TCF4: variants seen among roughly 807,000 people sequenced by gnomAD.
TCF4 encodes the protein transcription factor 4, also known as SL3-3 enhancer factor 2.
A neutral mutation model predicts 82.1 loss-of-function variants in TCF4; 3 were observed. The ratio of observed to expected loss-of-function variants is 0.04; its 90% CI spans 0.02 to 0.09. The LOEUF (loss-of-function observed/expected upper bound fraction) is 0.09, where lower values mean the gene tolerates loss of function less well. Among genes scored for constraint, TCF4 ranks in the 10% least tolerant of loss-of-function variants. The pLI is 1.00. For missense variants in TCF4, 518 were observed against 852.7 expected (o/e 0.61, Z 4.89); for synonymous variants, 276 against 309.6 (o/e 0.89, Z 1.14).
intron 10 of TCF4, among the ~76,000 whole-genome samples, chr18:55,273,369 T>C (rs1461296649): frequency 6.6e-6 from 1 of 152,186 alleles, no homozygotes. Context: ...GCTTAGCTTT[T>C]TCTTAAACTA....
intron 5 of TCF4, among the ~76,000 whole-genome samples, chr18:55,422,984 A>AACACACAC (rs147283421): frequency 2.0e-5 from 3 of 150,352 alleles, no homozygotes; most frequent in African/African-American, 7.3e-5. Context: ...AACACCACCA[A>AACACACAC]ACACACACAC....
At chr18:55,403,358 G>T in intron 6 of TCF4, 96 bp downstream of exon 6, 1 of 1,372,658 alleles carries the variant, frequency 7.3e-7, no homozygotes, top group Non-Finnish European at 1.0e-6. Flanking sequence ...GTGCATCTTT[G>T]GTGTCACAGT....
At chr18:55,349,118 A>G (rs1198384463) in intron 8 of TCF4, among the ~76,000 whole-genome samples, 1 of 152,180 alleles carries the variant, frequency 6.6e-6, no homozygotes, top group African/African-American at 2.4e-5. Flanking sequence ...ACTTATTGCT[A>G]GTTGAAAGTG....
At chr18:55,616,910 T>G (rs1275508485) in intron 2 of TCF4, among the ~76,000 whole-genome samples, 1 of 152,138 alleles carries the variant, frequency 6.6e-6, no homozygotes, top group Non-Finnish European at 1.5e-5. Flanking sequence ...TTTGTTGTTT[T>G]CTTAGCTGTG....
intron 3 of TCF4, among the ~76,000 whole-genome samples, chr18:55,512,476 T>C (rs1238095813): frequency 1.3e-5 from 2 of 152,114 alleles, no homozygotes; most frequent in African/African-American, 4.8e-5. Flanking sequence ...ATCTCCACAA[T>C]GAGGATACGT....
intron 10 of TCF4, among the ~76,000 whole-genome samples, chr18:55,275,291 A>AC (rs915785822): frequency 2.6e-5 from 4 of 150,958 alleles, no homozygotes; most frequent in African/African-American, 7.3e-5. Context: ...AAAAAAAAAA[A>AC]AAAAAAACCA....
At chr18:55,608,369 A>ATTTTTTTT (rs746413576) in intron 2 of TCF4, among the ~76,000 whole-genome samples, 2 of 117,272 alleles carry the variant, frequency 1.7e-5, no homozygotes, top group Non-Finnish European at 3.4e-5. Context: ...TTGCCACAGT[A>ATTTTTTTT]TTTTTTTTTT....
chr18:55,390,887 GTTCT>G (rs561749758), intron 6 of TCF4, among the ~76,000 whole-genome samples: 27 of 152,272 alleles, frequency 1.8e-4, no homozygotes, highest in African/African-American at 6.3e-4. Context: ...AAACTTAAAT[GTTCT>G]TTCCGGTGAC....
intron 3 of TCF4, among the ~76,000 whole-genome samples, chr18:55,484,304 G>A (rs1313910904): frequency 1.3e-5 from 2 of 151,982 alleles, no homozygotes; most frequent in African/African-American, 4.8e-5. Context: ...AATTAATACT[G>A]ACTCTGAGAA....
chr18:55,258,109 T>C (rs564814168), intron 13 of TCF4, among the ~76,000 whole-genome samples: 1 of 152,264 alleles, frequency 6.6e-6, no homozygotes, highest in African/African-American at 2.4e-5. Context: ...ATAATAGCTA[T>C]GATCTCACTG....
chr18:55,594,155 T>G (rs1273218396), intron 2 of TCF4, among the ~76,000 whole-genome samples: 1 of 152,218 alleles, frequency 6.6e-6, no homozygotes, highest in Non-Finnish European at 1.5e-5. Flanking sequence ...GCTGGTCTCT[T>G]AATTCTTTCC....
At chr18:55,510,837 G>T in intron 3 of TCF4, 1 of 1,017,828 alleles carries the variant, frequency 9.8e-7, no homozygotes, top group Non-Finnish European at 1.2e-6. Flanking sequence ...CTGGCTGTGT[G>T]TTTATGAGCT....
chr18:55,310,271 C>T (rs1220023524), intron 8 of TCF4, among the ~76,000 whole-genome samples: 8 of 152,156 alleles, frequency 5.3e-5, no homozygotes, highest in Admixed American at 5.2e-4. Context: ...ATGGGCTAAG[C>T]AATAAATGAA....
intron 8 of TCF4, among the ~76,000 whole-genome samples, chr18:55,338,769 G>T (rs2079195140): frequency 6.6e-6 from 1 of 152,128 alleles, no homozygotes; most frequent in Non-Finnish European, 1.5e-5. Context: ...TTTAACCTCT[G>T]AATGTGCCTT....
Position 55,271,300 on chromosome 18 carries a change from T to C in TCF4, c.790-1337A>G, listed in dbSNP as rs1219054243. Among the ~76,000 whole-genome samples the C allele has an allele frequency of 3.3e-5, 5 of 152,282 alleles. No individual in the cohort carries two copies. The East Asian group carries it at 9.6e-4, about 29-fold the overall frequency. On this transcript the variant is annotated intron_variant, in intron 10 of 19. Coordinates refer to ENST00000354452, the MANE Select transcript of TCF4 (RefSeq NM_001083962.2). ...TTGCTTTTTCTAATGTATTTTCACC[T>C]GTATTGTAAACTCTTTAAAGGAATA...
chr18:55,229,081 G>A lies in TCF4; in HGVS notation c.1650-5C>T, dbSNP rs780082684. 1 of 1,613,626 alleles carries A rather than the reference G, an allele frequency of 6.2e-7. No homozygotes were observed. The highest frequency in any genetic ancestry group is 2.2e-5 in the East Asian group (1 of 44,880). The stretch of plus-strand genomic sequence containing the variant: ...AGGTCCTCATCGTCATTATTGCTGT[G>A]GGACAAAAGGGATGCAACATTTTCT... On this transcript the variant is annotated splice_polypyrimidine_tract_variant and splice_region_variant and intron_variant, in intron 17 of 19. Transcript: ENST00000354452.
intron 3 of TCF4, among the ~76,000 whole-genome samples, chr18:55,574,832 G>C (rs1193305573): frequency 6.6e-6 from 1 of 151,526 alleles, no homozygotes; most frequent in African/African-American, 2.4e-5. Context: ...ATGAATGAGT[G>C]GACGAATGAA....
At chr18:55,576,703 TAA>T (rs1448042558) in intron 3 of TCF4, among the ~76,000 whole-genome samples, 2 of 152,156 alleles carry the variant, frequency 1.3e-5, no homozygotes, top group Admixed American at 6.6e-5. Context: ...ATGAAAGAAA[TAA>T]GTTTTCATTT....
At chr18:55,621,469 A>ATAT (rs1568500167) in intron 2 of TCF4, among the ~76,000 whole-genome samples, 30 of 26,988 alleles carry the variant, frequency 1.1e-3, no homozygotes, top group African/African-American at 2.9e-3. Context: ...TATATAATAT[A>ATAT]TATAAAAATA....
Sources: allele counts gnomAD v4.1 joint callset (sites outside exome capture counted in the v4.1 genomes callset), GRCh38; gene constraint gnomAD v4.1.1; transcripts MANE v1.5; gene names NCBI Gene and HGNC (gene_info 2026-07-23, HGNC 2026-07-21).